ARFGEF1: variants seen among roughly 807,000 people sequenced by gnomAD.
The protein encoded by ARFGEF1 is ARF guanine nucleotide exchange factor 1, also known as brefeldin A-inhibited guanine nucleotide-exchange protein 1.
ARFGEF1 carries 42 observed loss-of-function variants against 231.0 expected under a neutral mutation model. That is an observed-to-expected ratio of 0.18 (90% CI 0.14 to 0.24). The LOEUF is 0.24. ARFGEF1 is among the 10% of genes least tolerant of loss of function. The pLI is 1.00. For missense variants in ARFGEF1, 1,345 were observed against 2,192.0 expected, an observed-to-expected ratio of 0.61 and a Z score of 7.72; for synonymous variants, 710 against 732.3, an observed-to-expected ratio of 0.97 and a Z score of 0.49.
At chr8:67,290,615 GAC>G (rs1262285063) in intron 6 of ARFGEF1, among the ~76,000 whole-genome samples, 8 of 152,242 alleles carry the variant, frequency 5.3e-5, no homozygotes, top group Non-Finnish European at 1.0e-4. Flanking sequence ...TGGTGCCTAA[GAC>G]ACAGTATGCT....
intron 19 of ARFGEF1, among the ~76,000 whole-genome samples, chr8:67,246,042 C>G (rs918648643): frequency 6.7e-6 from 1 of 150,252 alleles, no homozygotes; most frequent in African/African-American, 2.5e-5. Context: ...CAAGAGGATA[C>G]AGCAATTGTG....
chr8:67,229,432 C>G (rs1046778942), intron 23 of ARFGEF1, among the ~76,000 whole-genome samples: 1 of 151,858 alleles, frequency 6.6e-6, no homozygotes, highest in Non-Finnish European at 1.5e-5. Flanking sequence ...TGTGTCCTGA[C>G]AATGAGTAAA....
chr8:67,320,877 C>T (rs1303335265), intron 1 of ARFGEF1, among the ~76,000 whole-genome samples: 2 of 152,088 alleles, frequency 1.3e-5, no homozygotes, highest in Admixed American at 1.3e-4. Flanking sequence ...AGGAGAATTG[C>T]TTGAACCCAG....
intron 1 of ARFGEF1, 112 bp downstream of exon 1, chr8:67,343,052 A>G: frequency 7.9e-7 from 1 of 1,271,640 alleles, no homozygotes; most frequent in Non-Finnish European, 1.1e-6. Flanking sequence ...GGGCTTCCCG[A>G]GGTCAGAGGC....
chr8:67,271,872 C>G lies in ARFGEF1; in HGVS notation c.1402G>C (p.Gly468Arg). 6.2e-7 allele frequency: 1 copy of G among 1,613,748 alleles called. No individual in the cohort carries two copies. The highest frequency in any genetic ancestry group is 8.5e-7 in the Non-Finnish European group (1 of 1,179,828). The change falls in exon 10 of 39, where the codon GGA becomes CGA. Residue 468 changes from glycine (G) to arginine (R), a missense_variant. Gly to Arg is a moderately radical substitution (Grantham distance 125). Around this residue, in one of 14 missense-constraint regions of ARFGEF1, gnomAD observed 141 missense variants for 259.9 expected, o/e 0.54. Transcript: ENST00000262215. ...QLLLSILQNA[G>R]PIFRTNEMFI... ...ATCTCATTTGTCCTGAAAATAGGTC[C>G]TGCATTCTGCAGAATGGATAGAAGT...
chr8:67,311,435 C>T (rs1202471545), intron 1 of ARFGEF1, among the ~76,000 whole-genome samples: 7 of 134,088 alleles, frequency 5.2e-5, no homozygotes, highest in African/African-American at 8.4e-5. Context: ...GCCCCCCGCC[C>T]GGCCAGCCGC....
chr8:67,222,177 A>C (rs965010094), intron 29 of ARFGEF1, among the ~76,000 whole-genome samples: 1 of 108,500 alleles, frequency 9.2e-6, no homozygotes, highest in Non-Finnish European at 1.8e-5. Context: ...ATATATATAT[A>C]TACACATATA....
At chr8:67,222,726 T>C (rs1381341692) in intron 29 of ARFGEF1, among the ~76,000 whole-genome samples, 2 of 151,940 alleles carry the variant, frequency 1.3e-5, no homozygotes, top group Admixed American at 6.5e-5. Flanking sequence ...GCTGGGATTA[T>C]AGGTATGGCC....
intron 33 of ARFGEF1, among the ~76,000 whole-genome samples, chr8:67,215,515 T>C (rs538069423): frequency 6.6e-6 from 1 of 152,284 alleles, no homozygotes; most frequent in East Asian, 1.9e-4. Context: ...GGATTTCAGG[T>C]AAACCCTAAA....
In ARFGEF1 at chr8:67,190,757, A is replaced by T. The variant is rs754193806; in HGVS notation, c.560+9639T>A. 1.3e-6 allele frequency: 2 copies of T among 1,599,062 alleles called. No individual in the cohort carries two copies. Among genetic ancestry groups the T allele is most frequent in the Non-Finnish European group, 1.7e-6 (2 of 1,166,218 alleles). ...GAGGAACAAATGGAAAGGACTAGAC[A>T]TTGTATGTATGAGACTTTTCTCCCC... On this transcript the variant is annotated intron_variant, in intron 5 of 5. Transcript: ENST00000518789.
chr8:67,231,046 A>G (rs895417627), intron 23 of ARFGEF1, among the ~76,000 whole-genome samples: 1 of 152,120 alleles, frequency 6.6e-6, no homozygotes, highest in East Asian at 1.9e-4. Context: ...GTTATGCAGA[A>G]AAATAGGCCT....
At chr8:67,293,081 C>A (rs1001801885) in intron 5 of ARFGEF1, among the ~76,000 whole-genome samples, 6 of 152,098 alleles carry the variant, frequency 3.9e-5, no homozygotes, top group African/African-American at 1.4e-4. Context: ...TCAAAGAATT[C>A]AACATCTGGC....
chr8:67,175,308 G>A (rs367949127), downstream of ARFGEF1: 153 of 1,608,866 alleles, frequency 9.5e-5, no homozygotes, highest in Non-Finnish European at 1.2e-4. Context: ...TCAGAAACAC[G>A]AGTTGATCTG....
intron 5 of ARFGEF1, among the ~76,000 whole-genome samples, chr8:67,187,772 G>C (rs1271682488): frequency 3.3e-5 from 5 of 152,220 alleles, no homozygotes; most frequent in Admixed American, 2.0e-4. Flanking sequence ...ACCAAAGGCA[G>C]TATTATGATG....
At position 67,232,903 on chromosome 8, in the gene ARFGEF1, T is replaced by C. The variant is rs1189670760; in HGVS notation, c.3332A>G (p.Glu1111Gly). ...CTGAGAACTGGTTTCTCCAATGGAT[T>C]CCTGAATACTTGCTATCTGTTTCCA... ...VDWKQIASIQ[E>G]SIGETSSQSV... The change falls in exon 23 of 39, where the codon GAA becomes GGA. Residue 1111 changes from glutamate to glycine, a missense_variant. Glu to Gly is a moderately conservative substitution (Grantham distance 98). Transcript: ENST00000262215. 1 of 1,611,534 alleles carries C rather than the reference T, an allele frequency of 6.2e-7. No individual in the cohort carries two copies. The highest frequency in any genetic ancestry group is 1.7e-5 in the Admixed American group (1 of 59,734).
intron 5 of ARFGEF1, among the ~76,000 whole-genome samples, chr8:67,185,678 C>A (rs577576176): frequency 6.6e-6 from 1 of 151,994 alleles, no homozygotes; most frequent in Non-Finnish European, 1.5e-5. Context: ...GCAGTCTACC[C>A]CTGGAGGTGG....
chr8:67,196,110 G>GTAAT (rs1348433827), downstream of ARFGEF1: 1 of 152,720 alleles, frequency 6.5e-6, no homozygotes, highest in East Asian at 1.9e-4. Flanking sequence ...GAAGGGAACT[G>GTAAT]TAATTACTTG....
At chr8:67,310,171 T>C (rs1806932689) in intron 1 of ARFGEF1, among the ~76,000 whole-genome samples, 1 of 152,110 alleles carries the variant, frequency 6.6e-6, no homozygotes, top group Admixed American at 6.5e-5. Flanking sequence ...GAAGCTGGAC[T>C]GTACTGCTGC....
intron 19 of ARFGEF1, among the ~76,000 whole-genome samples, chr8:67,248,784 T>C (rs1840182334): frequency 6.6e-6 from 1 of 150,578 alleles, no homozygotes; most frequent in Non-Finnish European, 1.5e-5. Flanking sequence ...TAAATAATGT[T>C]TGTAAAATTC....
Sources: allele counts gnomAD v4.1 joint callset (sites outside exome capture counted in the v4.1 genomes callset), GRCh38; gene constraint gnomAD v4.1.1; regional missense constraint gnomAD v4.1.1; transcripts MANE v1.5; gene names NCBI Gene and HGNC (gene_info 2026-07-23, HGNC 2026-07-21).